ALX4: variants seen among roughly 807,000 people sequenced by gnomAD.
ALX4 encodes the protein homeobox protein aristaless-like 4.
Under a neutral mutation model 40.6 loss-of-function variants are expected in ALX4, and 22 were observed. That is an observed-to-expected ratio of 0.54 (90% CI 0.39 to 0.77). The LOEUF (loss-of-function observed/expected upper bound fraction) is 0.77, where lower values mean the gene tolerates loss of function less well. Among genes scored for constraint, ALX4 ranks in the 30% least tolerant of loss-of-function variants. The pLI, the probability that ALX4 is intolerant of heterozygous loss-of-function variation, is 0.00. For missense variants in ALX4, 556 were observed against 564.8 expected, an observed-to-expected ratio of 0.98 and a Z score of 0.16; for synonymous variants, 266 against 240.5, an observed-to-expected ratio of 1.11 and a Z score of -0.98.
intron 1 of ALX4, among the ~76,000 whole-genome samples, chr11:44,298,520 G>A (rs978765828): frequency 3.3e-5 from 5 of 152,172 alleles, no homozygotes; most frequent in South Asian, 2.1e-4. Context: ...CAGGAATGGG[G>A]GTGCCAGCGG....
chr11:44,271,598 A>G (rs1301518405), intron 2 of ALX4, among the ~76,000 whole-genome samples: 2 of 152,110 alleles, frequency 1.3e-5, no homozygotes, highest in African/African-American at 4.8e-5. Context: ...TTTTTTTACC[A>G]CATTACCTCT....
chr11:44,267,042 A>G (rs1956217311), intron 3 of ALX4, among the ~76,000 whole-genome samples: 1 of 152,210 alleles, frequency 6.6e-6, no homozygotes, highest in Non-Finnish European at 1.5e-5. Flanking sequence ...AGACTTGCCT[A>G]AAGTGAGAAA....
At chr11:44,274,429 T>G (rs1956266118) in intron 2 of ALX4, among the ~76,000 whole-genome samples, 2 of 151,804 alleles carry the variant, frequency 1.3e-5, no homozygotes, top group Admixed American at 1.3e-4. Context: ...GGTTGTGTTG[T>G]GTTGGGTTGG....
intron 1 of ALX4, among the ~76,000 whole-genome samples, chr11:44,307,419 G>C (rs1162873905): frequency 6.6e-6 from 1 of 152,186 alleles, no homozygotes; most frequent in Non-Finnish European, 1.5e-5. Flanking sequence ...GGCTGTGGGG[G>C]CCCAGCAGGA....
chr11:44,269,304 A>G (rs944283222), intron 2 of ALX4, among the ~76,000 whole-genome samples: 1 of 152,246 alleles, frequency 6.6e-6, no homozygotes, highest in Admixed American at 6.5e-5. Flanking sequence ...TGGGAAATGC[A>G]GTCCAAGAAT....
chr11:44,302,556 A>G (rs1956440665), intron 1 of ALX4, among the ~76,000 whole-genome samples: 1 of 152,210 alleles, frequency 6.6e-6, no homozygotes. Context: ...ACCTCCTAGG[A>G]GAAGGTCCGC....
chr11:44,294,257 C>T (rs1956390174), intron 1 of ALX4, among the ~76,000 whole-genome samples: 1 of 152,176 alleles, frequency 6.6e-6, no homozygotes, highest in South Asian at 2.1e-4. Context: ...AGGGCAATGC[C>T]CACCAGGTGC....
chr11:44,309,611 T>C lies in ALX4; in HGVS notation c.452A>G (p.Gln151Arg). Residue 151 changes from glutamine (Q) to arginine (R), a missense_variant, in exon 1 of 4, where the codon CAG (glutamine) becomes CGG (arginine). By Grantham distance (43) the Gln-to-Arg change is conservative. Transcript: ENST00000652299. ...EGSSGHSAAL[Q>R]VPCYAKESSL... is the part of the protein sequence containing the mutation. ...CGTGCACTCACCGTAGCAGGGAACC[T>C]GCAAGGCCGCGCTGTGGCCGCTGCT... 1 of 1,586,702 alleles carries C rather than the reference T, an allele frequency of 6.3e-7. No individual in the cohort carries two copies. Among genetic ancestry groups the C allele is most frequent in the South Asian group, 1.1e-5 (1 of 88,862 alleles).
rs140678698 is a variant in ALX4 at position 44,273,814 on chromosome 11, G to A, written c.777+1534C>T. On this transcript the variant is annotated intron_variant, in intron 2 of 3. Transcript: ENST00000652299. ...AAAAATAAAAAAACTTATCCCAGGC[G>A]TGGTGGTGTATGCCTGTGGTCCCAG... Among the ~76,000 whole-genome samples the A allele has an allele frequency of 6.3e-3, 963 of 152,162 alleles. 15 individuals are homozygous for A. The highest frequency in any genetic ancestry group is 0.036 in the Admixed American group (554 of 15,276).
chr11:44,310,131 T>G lies in ALX4; in HGVS notation c.-69A>C. On this transcript the variant is annotated 5_prime_UTR_variant, in exon 1 of 4. Transcript: ENST00000652299. ...CGAGGACGCCACCGCGCGCCTTGGC[T>G]GGGAGTTTGGGGAGGCGAGGAGGCT... The G allele has an allele frequency of 2.0e-6, 3 of 1,507,530 alleles. No individual in the cohort carries two copies. Among genetic ancestry groups the G allele is most frequent in the Non-Finnish European group, 2.7e-6 (3 of 1,125,134 alleles). 93.4% of individuals were successfully genotyped at this position (1,507,530 alleles called of 1,614,324 possible).
intron 1 of ALX4, among the ~76,000 whole-genome samples, chr11:44,287,031 T>C (rs1956342401): frequency 6.6e-6 from 1 of 152,226 alleles, no homozygotes; most frequent in Non-Finnish European, 1.5e-5. Flanking sequence ...AGGACACCCC[T>C]GTCGTTTGGC....
chr11:44,296,332 G>T (rs1956402416), intron 1 of ALX4, among the ~76,000 whole-genome samples: 1 of 152,116 alleles, frequency 6.6e-6, no homozygotes, highest in Non-Finnish European at 1.5e-5. Flanking sequence ...CTAAACCTAA[G>T]AGCTAAACTA....
At chr11:44,299,353 G>A (rs573004693) in intron 1 of ALX4, among the ~76,000 whole-genome samples, 1 of 143,198 alleles carries the variant, frequency 7.0e-6, no homozygotes, top group Admixed American at 7.4e-5. Flanking sequence ...TGGGGGCCAT[G>A]GTTTTTTTTT....
In ALX4 at chr11:44,267,602, C is replaced by T. The variant is rs761707439; in HGVS notation, c.798G>A (p.Arg266=). Residue 266 remains arginine, a synonymous_variant, in exon 3 of 4, where the codon AGG becomes AGA. Coordinates refer to ENST00000652299, the MANE Select transcript of ALX4 (RefSeq NM_021926.4). ...ARVQVWFQNR[R]AKWRKRERFG... is the part of the protein sequence containing the mutation. ...AACGCTCCCGCTTCCTCCACTTGGCCCTTCGGTTCTGGAACCAGACCTACA... is the reference window on the plus strand; with the variant it reads ...AACGCTCCCGCTTCCTCCACTTGGCTCTTCGGTTCTGGAACCAGACCTACA... 1.3e-5 allele frequency: 21 copies of T among 1,614,046 alleles called. No homozygotes were observed. In the Admixed American group the frequency reaches 2.7e-4, roughly 20 times the overall value.
At chr11:44,303,661 C>A (rs1056134412) in intron 1 of ALX4, among the ~76,000 whole-genome samples, 2 of 152,172 alleles carry the variant, frequency 1.3e-5, no homozygotes, top group East Asian at 3.9e-4. Flanking sequence ...CTGGCTGGTG[C>A]GGGTTGGGGT....
intron 1 of ALX4, among the ~76,000 whole-genome samples, chr11:44,281,663 G>A (rs1457156997): frequency 6.6e-6 from 1 of 152,026 alleles, no homozygotes. Flanking sequence ...ACCCACTGCT[G>A]TCCAAACGGT....
chr11:44,290,961 G>A (rs1236320454), intron 1 of ALX4, among the ~76,000 whole-genome samples: 4 of 152,182 alleles, frequency 2.6e-5, no homozygotes, highest in Admixed American at 1.3e-4. Context: ...TTTGGCCGTG[G>A]CAGCTGACAG....
chr11:44,266,008 G>A (rs533902800), intron 3 of ALX4, among the ~76,000 whole-genome samples: 4 of 152,262 alleles, frequency 2.6e-5, no homozygotes, highest in Non-Finnish European at 4.4e-5. Flanking sequence ...TTATGCACAC[G>A]GGATTCCTGG....
At chr11:44,283,098 T>G (rs774578266) in intron 1 of ALX4, among the ~76,000 whole-genome samples, 6 of 151,820 alleles carry the variant, frequency 4.0e-5, no homozygotes, top group Non-Finnish European at 2.9e-5. Flanking sequence ...AATACAAAAA[T>G]TCGTCGGGCA....
Sources: allele counts gnomAD v4.1 joint callset (sites outside exome capture counted in the v4.1 genomes callset), GRCh38; gene constraint gnomAD v4.1.1; transcripts MANE v1.5; gene names NCBI Gene and HGNC (gene_info 2026-07-23, HGNC 2026-07-21).